CADM2: variants seen among roughly 807,000 people sequenced by gnomAD.
CADM2 encodes cell adhesion molecule 2, also known as immunoglobulin superfamily member 4D.
A neutral mutation model predicts 49.8 loss-of-function variants in CADM2; 12 were observed. That is an observed-to-expected ratio of 0.24 (90% CI 0.15 to 0.39). The LOEUF (loss-of-function observed/expected upper bound fraction) is 0.39. Ranked by LOEUF, CADM2 falls within the 10% of genes least tolerant of loss-of-function variation. The probability of loss-of-function intolerance (pLI) is 1.00; values close to 1 mark genes in which losing one functional copy is unlikely to be tolerated. For missense variants in CADM2, 378 were observed against 492.3 expected, an observed-to-expected ratio of 0.77 and a Z score of 2.20; for synonymous variants, 214 against 175.4, an observed-to-expected ratio of 1.22 and a Z score of -1.74.
intron 3 of CADM2, among the ~76,000 whole-genome samples, chr3:85,825,705 TG>T (rs2073869884): frequency 6.6e-6 from 1 of 152,130 alleles, no homozygotes. Context: ...AAATTAACTT[TG>T]TTTTTTAGTC....
chr3:85,573,162 T>G (rs1282285084), intron 1 of CADM2, among the ~76,000 whole-genome samples: 35 of 3,416 alleles, frequency 0.01, no homozygotes, highest in Admixed American at 0.064. Context: ...GCTTATTTTA[T>G]TTATTTATTT....
intron 8 of CADM2, among the ~76,000 whole-genome samples, chr3:85,987,529 A>C (rs551178147): frequency 1.7e-4 from 26 of 149,808 alleles, no homozygotes; most frequent in Middle Eastern, 3.8e-3. Flanking sequence ...AAAGAAAAAA[A>C]GTTCCCCAGT....
chr3:85,998,985 A>T (rs1456333002), intron 8 of CADM2, among the ~76,000 whole-genome samples: 2 of 152,200 alleles, frequency 1.3e-5, no homozygotes, highest in Non-Finnish European at 2.9e-5. Context: ...TGTTTGGTGC[A>T]ATTTATCAAA....
At chr3:85,270,889 A>G (rs1327270661) in intron 1 of CADM2, among the ~76,000 whole-genome samples, 1 of 151,482 alleles carries the variant, frequency 6.6e-6, no homozygotes, top group African/African-American at 2.4e-5. Flanking sequence ...TACATGAAGC[A>G]TATTTCTTCA....
At chr3:85,000,271 G>A (rs1184705118) in intron 1 of CADM2, among the ~76,000 whole-genome samples, 5 of 151,490 alleles carry the variant, frequency 3.3e-5, no homozygotes, top group Admixed American at 6.6e-5. Flanking sequence ...GCATCACCAC[G>A]CCCAGCTAAT....
intron 1 of CADM2, among the ~76,000 whole-genome samples, chr3:85,523,722 TTTA>T (rs1467387200): frequency 6.6e-6 from 1 of 152,074 alleles, no homozygotes; most frequent in East Asian, 1.9e-4. Flanking sequence ...TTTTACTGAT[TTTA>T]TTATCTTCAA....
chr3:85,006,822 G>A (rs1354874025), intron 1 of CADM2, among the ~76,000 whole-genome samples: 1 of 152,014 alleles, frequency 6.6e-6, no homozygotes, highest in Admixed American at 6.6e-5. Flanking sequence ...AATCACCCAT[G>A]CCTCTGTTTT....
chr3:85,389,914 A>T (rs995061545), intron 1 of CADM2, among the ~76,000 whole-genome samples: 16 of 152,094 alleles, frequency 1.1e-4, no homozygotes, highest in African/African-American at 3.6e-4. Flanking sequence ...AGAATTGTTG[A>T]TAAAAGGGCA....
chr3:85,356,448 G>C (rs76390527), intron 1 of CADM2, among the ~76,000 whole-genome samples: 4,037 of 152,176 alleles, frequency 0.027, 204 homozygotes, highest in South Asian at 0.11. Flanking sequence ...AGCTAGTTCA[G>C]GGTCAGTCCA....
intron 3 of CADM2, among the ~76,000 whole-genome samples, chr3:85,831,210 G>T (rs1371400730): frequency 6.6e-6 from 1 of 151,918 alleles, no homozygotes; most frequent in Non-Finnish European, 1.5e-5. Context: ...TGAGGTACAT[G>T]TACCACATTT....
chr3:86,016,232 A>G (rs1378307557), intron 8 of CADM2, among the ~76,000 whole-genome samples: 3 of 152,140 alleles, frequency 2.0e-5, no homozygotes. Context: ...ACAGAGGGAA[A>G]TAATATATAA....
intron 1 of CADM2, among the ~76,000 whole-genome samples, chr3:85,508,101 A>G: frequency 6.6e-6 from 1 of 152,172 alleles, no homozygotes; most frequent in East Asian, 1.9e-4. Flanking sequence ...TCAGGAAAGA[A>G]AGTACAAAGA....
intron 1 of CADM2, among the ~76,000 whole-genome samples, chr3:85,695,453 T>TA (rs375850069): frequency 2.0e-5 from 3 of 152,096 alleles, no homozygotes; most frequent in African/African-American, 4.8e-5. Flanking sequence ...ATTCCTGAGT[T>TA]ACTTTACTTA....
chr3:85,535,415 A>G (rs1442678035), intron 1 of CADM2, among the ~76,000 whole-genome samples: 1 of 152,128 alleles, frequency 6.6e-6, no homozygotes, highest in Non-Finnish European at 1.5e-5. Flanking sequence ...TTGTCCATCT[A>G]AAATAAACAT....
At chr3:85,370,693 G>T (rs1374010490) in intron 1 of CADM2, among the ~76,000 whole-genome samples, 1 of 152,088 alleles carries the variant, frequency 6.6e-6, no homozygotes, top group Non-Finnish European at 1.5e-5. Flanking sequence ...ATTTTTGAAT[G>T]TATTTCTTCT....
chr3:85,041,308 T>C (rs769437258), intron 1 of CADM2, among the ~76,000 whole-genome samples: 2 of 152,182 alleles, frequency 1.3e-5, no homozygotes, highest in Non-Finnish European at 2.9e-5. Context: ...TTTAGGCATA[T>C]ATCTATATTT....
chr3:85,203,615 T>C (rs2041562600), intron 1 of CADM2, among the ~76,000 whole-genome samples: 1 of 152,206 alleles, frequency 6.6e-6, no homozygotes, highest in Admixed American at 6.5e-5. Flanking sequence ...AGTGAGCATA[T>C]GCTTTTGAAA....
intron 1 of CADM2, among the ~76,000 whole-genome samples, chr3:85,032,718 G>T (rs1186511243): frequency 6.6e-6 from 1 of 151,916 alleles, no homozygotes; most frequent in Non-Finnish European, 1.5e-5. Flanking sequence ...ATCATCTTTT[G>T]ACTTTTAGGA....
At chr3:85,059,441 T>C (rs1470698758) in intron 1 of CADM2, among the ~76,000 whole-genome samples, 2 of 152,212 alleles carry the variant, frequency 1.3e-5, no homozygotes, top group Admixed American at 6.5e-5. Context: ...TATTTTATTG[T>C]TTAAATAATG....
Sources: gnomAD v4.1 joint callset for allele counts (sites outside exome capture counted in the v4.1 genomes callset) on GRCh38, gnomAD v4.1.1 for gene constraint, MANE v1.5 for transcripts, NCBI Gene and HGNC (gene_info 2026-07-23, HGNC 2026-07-21) for gene names.